Variants in HDX observed in about 807,000 individuals in gnomAD.
The protein encoded by HDX is highly divergent homeobox.
A neutral mutation model predicts 45.2 loss-of-function variants in HDX; 19 were observed. The ratio of observed to expected loss-of-function variants is 0.42; its 90% CI spans 0.29 to 0.62. HDX has a LOEUF of 0.62. HDX is among the 20% of genes least tolerant of loss of function. The probability of loss-of-function intolerance (pLI) is 0.20; values close to 1 mark genes in which losing one functional copy is unlikely to be tolerated. For missense variants in HDX, 532 were observed against 493.9 expected (o/e 1.08, Z -0.73); for synonymous variants, 188 against 172.8 (o/e 1.09, Z -0.69).
chrX:84,358,253 C>A (rs760886677), intron 6 of HDX, among the ~76,000 whole-genome samples: 2 of 111,686 alleles, frequency 1.8e-5, no homozygotes, highest in Non-Finnish European at 3.8e-5. Flanking sequence ...TGGTTCAACT[C>A]GGGCTATTGC....
chrX:84,468,975 T>C lies in HDX; in HGVS notation c.748A>G (p.Ile250Val). 1 of 1,211,980 alleles carries C rather than the reference T, an allele frequency of 8.3e-7. No individual in the cohort carries two copies. Among genetic ancestry groups the C allele is most frequent in the Non-Finnish European group, 1.1e-6 (1 of 895,573 alleles). Reference protein sequence around the residue: ...LHNLCGQKPTIRDPYCRTQNL... With the variant: ...LHNLCGQKPTVRDPYCRTQNL... ...TGTGTTCTACAGTAAGGGTCTCTAA[T>C]AGTTGGCTTTTGCCCACATAAGTTA... is the stretch of plus-strand genomic sequence containing the variant. The change falls in exon 4 of 11, where the codon ATT (isoleucine) becomes GTT (valine). Residue 250 changes from isoleucine to valine, a missense_variant. By Grantham distance (29) the Ile-to-Val change is conservative. Around this residue, in one of 3 missense-constraint regions of HDX, gnomAD observed 376 missense variants for 343.7 expected, o/e 1.09. Transcript: ENST00000373177.
At chrX:84,465,367 A>T (rs1196677173) in intron 4 of HDX, among the ~76,000 whole-genome samples, 1 of 112,376 alleles carries the variant, frequency 8.9e-6, no homozygotes, top group Non-Finnish European at 1.9e-5. Context: ...AGACACATGC[A>T]CACATATGTT....
intron 4 of HDX, among the ~76,000 whole-genome samples, chrX:84,467,197 T>C (rs1698944654): frequency 9.0e-6 from 1 of 111,526 alleles, no homozygotes; most frequent in Non-Finnish European, 1.9e-5. Context: ...CTTCCTATAC[T>C]GTATTATTGC....
At chrX:84,398,203 C>G (rs1569316470) in intron 5 of HDX, among the ~76,000 whole-genome samples, 1 of 110,916 alleles carries the variant, frequency 9.0e-6, no homozygotes, top group Non-Finnish European at 1.9e-5. Context: ...ATCATGATGA[C>G]AGATCAAATT....
chrX:84,493,116 ATTTAC>A (rs1245504856), intron 1 of HDX, among the ~76,000 whole-genome samples: 2 of 111,069 alleles, frequency 1.8e-5, no homozygotes, highest in Admixed American at 9.6e-5. Context: ...TCACCTCTCT[ATTTAC>A]TTTATTTTAA....
intron 2 of HDX, among the ~76,000 whole-genome samples, chrX:84,478,084 G>A (rs962728792): frequency 2.7e-5 from 3 of 111,591 alleles, no homozygotes; most frequent in Non-Finnish European, 5.7e-5. Flanking sequence ...TACTACTCTG[G>A]GTTGATACAA....
chrX:84,490,538 A>T (rs1389023500), intron 1 of HDX, among the ~76,000 whole-genome samples: 1 of 111,202 alleles, frequency 9.0e-6, no homozygotes, highest in East Asian at 2.8e-4. Context: ...CCACATATTT[A>T]CTATTTCCAG....
chrX:84,370,750 T>C (rs1000814544), intron 5 of HDX, among the ~76,000 whole-genome samples: 1 of 112,464 alleles, frequency 8.9e-6, no homozygotes, highest in African/African-American at 3.2e-5. Flanking sequence ...AGAAAATTTC[T>C]ACTGATAAGC....
At chrX:84,338,967 C>A (rs1035503460) in intron 7 of HDX, among the ~76,000 whole-genome samples, 2 of 111,143 alleles carry the variant, frequency 1.8e-5, no homozygotes, top group African/African-American at 3.3e-5. Flanking sequence ...TTCCTGAGGC[C>A]TCCCTGAGAA....
chrX:84,402,350 C>G (rs1343983420), intron 5 of HDX, among the ~76,000 whole-genome samples: 1 of 111,887 alleles, frequency 8.9e-6, no homozygotes, highest in Non-Finnish European at 1.9e-5. Context: ...GTCAAACTTA[C>G]AGTGTTATGT....
intron 4 of HDX, among the ~76,000 whole-genome samples, chrX:84,464,491 G>T (rs1416205499): frequency 9.0e-6 from 1 of 111,024 alleles, no homozygotes; most frequent in African/African-American, 3.3e-5. Flanking sequence ...TAGACTAATG[G>T]AACAGAACAG....
At chrX:84,419,081 G>A (rs2039185127) in intron 5 of HDX, among the ~76,000 whole-genome samples, 1 of 112,011 alleles carries the variant, frequency 8.9e-6, no homozygotes, top group Non-Finnish European at 1.9e-5. Flanking sequence ...AGCCCTGGAA[G>A]CATTCATTAT....
intron 5 of HDX, among the ~76,000 whole-genome samples, chrX:84,427,248 A>G (rs1184473112): frequency 9.0e-6 from 1 of 111,135 alleles, no homozygotes; most frequent in African/African-American, 3.2e-5. Flanking sequence ...TTCAAGAAGT[A>G]GATTCAAATA....
At position 84,373,715 on chromosome X, in the gene HDX, A is replaced by C. The variant is rs2037960839; in HGVS notation, c.1306-12103T>G. On this transcript the variant is annotated intron_variant, in intron 5 of 10. Coordinates refer to ENST00000373177, the MANE Select transcript of HDX (RefSeq NM_001177479.2). ...CTTTGACAAAATTCAACAACTCTTC[A>C]TGCTAAAAACTCTCAATAAATTAGG... Among the ~76,000 whole-genome samples, 3 of 111,556 alleles carry C rather than the reference A, an allele frequency of 2.7e-5. No homozygotes were observed. In the South Asian group the frequency reaches 1.1e-3, roughly 42 times the overall value.
intron 5 of HDX, among the ~76,000 whole-genome samples, chrX:84,408,646 A>T (rs1338217946): frequency 9.2e-6 from 1 of 108,267 alleles, no homozygotes; most frequent in Non-Finnish European, 1.9e-5. Flanking sequence ...CTGTGAATTT[A>T]TTTAAACATC....
At chrX:84,337,371 A>G (rs2036989477) in intron 7 of HDX, among the ~76,000 whole-genome samples, 1 of 111,318 alleles carries the variant, frequency 9.0e-6, no homozygotes, top group South Asian at 3.7e-4. Context: ...TTTCATGGAG[A>G]CACACTAGGA....
chrX:84,458,254 G>A (rs2040158265), intron 4 of HDX, among the ~76,000 whole-genome samples: 1 of 108,642 alleles, frequency 9.2e-6, no homozygotes, highest in African/African-American at 3.4e-5. Context: ...CAATCCCCCA[G>A]AAAGCAACTG....
At chrX:84,402,791 C>A (rs754826117) in intron 5 of HDX, among the ~76,000 whole-genome samples, 111 of 111,069 alleles carry the variant, frequency 1.0e-3, no homozygotes, top group African/African-American at 3.5e-3. Flanking sequence ...ATTTTATATT[C>A]CCACGTGCAA....
intron 9 of HDX, among the ~76,000 whole-genome samples, chrX:84,331,700 T>C (rs2036845441): frequency 8.9e-6 from 1 of 111,918 alleles, no homozygotes; most frequent in Non-Finnish European, 1.9e-5. Flanking sequence ...CACCTAGTGA[T>C]GTTGTAGCCA....
Sources: gnomAD v4.1 joint callset for allele counts (sites outside exome capture counted in the v4.1 genomes callset) on GRCh38, gnomAD v4.1.1 for gene constraint, gnomAD v4.1.1 regional missense constraint, MANE v1.5 for transcripts, NCBI Gene and HGNC (gene_info 2026-07-23, HGNC 2026-07-21) for gene names.